The following RBP2 variants were observed in gnomAD, a reference collection of about 807,000 sequenced individuals.
The protein encoded by RBP2 is retinol binding protein 2.
RBP2 carries 17 observed loss-of-function variants against 17.0 expected under a neutral mutation model. That is an observed-to-expected ratio of 1.00 (90% CI 0.68 to 1.50). RBP2 has a LOEUF of 1.50. Among genes scored for constraint, RBP2 ranks in the 40% most tolerant of loss-of-function variants. The pLI is 0.00. For missense variants in RBP2, 158 were observed against 168.2 expected, an observed-to-expected ratio of 0.94 and a Z score of 0.33; for synonymous variants, 48 against 57.1, an observed-to-expected ratio of 0.84 and a Z score of 0.72.
At chr3:139,465,908 C>A (rs1933343494) in intron 1 of RBP2, among the ~76,000 whole-genome samples, 1 of 152,152 alleles carries the variant, frequency 6.6e-6, no homozygotes, top group South Asian at 2.1e-4. Flanking sequence ...GCCTGTGAGG[C>A]ATGGGGTGTG....
chr3:139,465,943 T>G (rs540850460), intron 1 of RBP2, among the ~76,000 whole-genome samples: 1 of 152,288 alleles, frequency 6.6e-6, no homozygotes, highest in African/African-American at 2.4e-5. Context: ...GTCTCTCGGC[T>G]GCCTTTGGTT....
At chr3:139,460,891 A>G (rs538742038) in intron 2 of RBP2, among the ~76,000 whole-genome samples, 1 of 152,292 alleles carries the variant, frequency 6.6e-6, no homozygotes, top group South Asian at 2.1e-4. Flanking sequence ...GAATATTCAT[A>G]CTGCCCAGCC....
At chr3:139,453,422 T>G (rs1272799320) in intron 3 of RBP2, among the ~76,000 whole-genome samples, 1 of 152,238 alleles carries the variant, frequency 6.6e-6, no homozygotes, top group East Asian at 1.9e-4. Context: ...GCAGGATTTC[T>G]CCTACTCCCA....
chr3:139,459,394 A>G (rs368125900), intron 2 of RBP2, among the ~76,000 whole-genome samples: 241 of 50,148 alleles, frequency 4.8e-3, no homozygotes, highest in Middle Eastern at 0.016. Context: ...TGTTTCTACT[A>G]TATATATGTG....
chr3:139,453,615 A>G (rs1222899182), intron 3 of RBP2, among the ~76,000 whole-genome samples: 1 of 152,164 alleles, frequency 6.6e-6, no homozygotes, highest in Non-Finnish European at 1.5e-5. Flanking sequence ...TGGCGCAGGT[A>G]CCCGCAGGGT....
chr3:139,462,306 G>A lies in RBP2; in HGVS notation c.74-16C>T, dbSNP rs373594475. Reference sequence around the variant, plus strand: ...AAATCAATATCTGTTGGCAAAGGGAGTTGTGGAGGTTATGATGTGCTCAGC... The same window carrying A: ...AAATCAATATCTGTTGGCAAAGGGAATTGTGGAGGTTATGATGTGCTCAGC... On this transcript the variant is annotated splice_polypyrimidine_tract_variant and intron_variant, in intron 1 of 3. Coordinates refer to ENST00000232217, the MANE Select transcript of RBP2 (RefSeq NM_004164.3). 48 of 1,613,518 alleles carry A rather than the reference G, an allele frequency of 3.0e-5. No homozygotes were observed. The highest frequency in any genetic ancestry group is 4.0e-5 in the African/African-American group (3 of 74,898).
intron 1 of RBP2, among the ~76,000 whole-genome samples, chr3:139,467,252 C>T (rs955797358): frequency 2.0e-5 from 3 of 152,192 alleles, no homozygotes; most frequent in Non-Finnish European, 4.4e-5. Flanking sequence ...CACCTGGGAA[C>T]GTGTTAGAAA....
At chr3:139,465,565 C>T (rs943384759) in intron 1 of RBP2, among the ~76,000 whole-genome samples, 1 of 152,092 alleles carries the variant, frequency 6.6e-6, no homozygotes, top group Non-Finnish European at 1.5e-5. Context: ...GCTGTGCTCC[C>T]CAAGCTCTGG....
intron 2 of RBP2, among the ~76,000 whole-genome samples, chr3:139,455,115 G>C (rs1361363301): frequency 6.6e-6 from 1 of 152,148 alleles, no homozygotes; most frequent in Non-Finnish European, 1.5e-5. Flanking sequence ...GGGAGAAGAT[G>C]ATAAATTTCA....
At chr3:139,466,575 T>G (rs2107877300) in intron 1 of RBP2, 1 of 152,396 alleles carries the variant, frequency 6.6e-6, no homozygotes, top group Non-Finnish European at 1.5e-5. Context: ...GCCCCAAGTG[T>G]GTCCAGCTTC....
intron 2 of RBP2, among the ~76,000 whole-genome samples, chr3:139,459,813 C>G (rs1380427637): frequency 6.8e-6 from 1 of 147,650 alleles, no homozygotes; most frequent in African/African-American, 2.6e-5. Context: ...ACTTCTCACT[C>G]CCTACTAAGG....
intron 2 of RBP2, among the ~76,000 whole-genome samples, chr3:139,461,857 A>G (rs1933200879): frequency 1.3e-5 from 2 of 152,272 alleles, no homozygotes; most frequent in South Asian, 4.1e-4. Context: ...TCTGCCTGCC[A>G]GGCCCATGGC....
At chr3:139,460,432 A>G (rs1933147638) in intron 2 of RBP2, among the ~76,000 whole-genome samples, 1 of 152,224 alleles carries the variant, frequency 6.6e-6, no homozygotes, top group Non-Finnish European at 1.5e-5. Flanking sequence ...AATATAATTC[A>G]ACCTTGACTT....
At chr3:139,472,333 A>T (rs1210292372) in intron 1 of RBP2, among the ~76,000 whole-genome samples, 1 of 152,194 alleles carries the variant, frequency 6.6e-6, no homozygotes, top group Non-Finnish European at 1.5e-5. Flanking sequence ...CTCATCCTAC[A>T]TGCTGTTCTT....
At chr3:139,476,364 C>G in intron 1 of RBP2, 23 bp downstream of exon 1, 1 of 1,606,298 alleles carries the variant, frequency 6.2e-7, no homozygotes, top group Non-Finnish European at 8.5e-7. Flanking sequence ...AGCTACCCTC[C>G]CCATCCCCAG....
chr3:139,458,707 C>T (rs185313006), intron 2 of RBP2, among the ~76,000 whole-genome samples: 6 of 152,312 alleles, frequency 3.9e-5, no homozygotes, highest in Non-Finnish European at 5.9e-5. Context: ...TCACACAATA[C>T]GTGACCTTTT....
chr3:139,454,619 G>T (rs1943363885), intron 3 of RBP2, 110 bp downstream of exon 3: 3 of 966,088 alleles, frequency 3.1e-6, no homozygotes, highest in Non-Finnish European at 4.9e-6. Flanking sequence ...TTTGGCTGGA[G>T]CTCGGGGTAG....
At chr3:139,467,819 A>T (rs992384905) in intron 1 of RBP2, among the ~76,000 whole-genome samples, 1 of 152,152 alleles carries the variant, frequency 6.6e-6, no homozygotes, top group African/African-American at 2.4e-5. Flanking sequence ...TGGACTCCAC[A>T]GGAGAAGTGG....
At chr3:139,469,043 A>G (rs1176098118) in intron 1 of RBP2, among the ~76,000 whole-genome samples, 3 of 152,210 alleles carry the variant, frequency 2.0e-5, no homozygotes, top group Non-Finnish European at 2.9e-5. Context: ...GTGCTTATGA[A>G]AAAAGCTAAA....
Sources: allele counts gnomAD v4.1 joint callset (sites outside exome capture counted in the v4.1 genomes callset), GRCh38; gene constraint gnomAD v4.1.1; transcripts MANE v1.5; gene names NCBI Gene and HGNC (gene_info 2026-07-23, HGNC 2026-07-21).